Variants in MBNL2 observed in about 807,000 individuals in gnomAD.
The protein encoded by MBNL2 is muscleblind-like protein 2.
In MBNL2, 17 loss-of-function variants were observed where a neutral mutation model predicts 41.9. The observed-to-expected ratio is 0.41, with a 90% CI of 0.28 to 0.61. The LOEUF (loss-of-function observed/expected upper bound fraction) is 0.61. Ranked by LOEUF, MBNL2 falls within the 20% of genes least tolerant of loss-of-function variation. The pLI is 0.35. For synonymous variants in MBNL2, 195 were observed against 182.9 expected, an observed-to-expected ratio of 1.07 and a Z score of -0.53; for missense variants, 336 against 505.6, an observed-to-expected ratio of 0.66 and a Z score of 3.22.
At chr13:97,357,743 A>G in intron 7 of MBNL2, 108 bp downstream of exon 7, 1 of 1,043,790 alleles carries the variant, frequency 9.6e-7, no homozygotes, top group South Asian at 1.3e-5. Context: ...GGTATAATAC[A>G]GTTTGAAATT....
chr13:97,376,286 T>C (rs1368076372), intron 8 of MBNL2, among the ~76,000 whole-genome samples: 1 of 152,164 alleles, frequency 6.6e-6, no homozygotes, highest in East Asian at 1.9e-4. Flanking sequence ...TGTCTGTGGA[T>C]TTCACTGCCT....
chr13:97,296,920 C>T (rs1009439200), intron 2 of MBNL2, among the ~76,000 whole-genome samples: 2 of 152,106 alleles, frequency 1.3e-5, no homozygotes, highest in African/African-American at 4.8e-5. Flanking sequence ...GATGAAGAGA[C>T]AGATGTGGAT....
Position 97,393,615 on chromosome 13 carries a change from G to A in MBNL2, c.*2166G>A, listed in dbSNP as rs1190936364. Reference sequence around the variant, plus strand: ...AAGGAGGAGGCAAGGCAAATGCATAGATGTACAAATATATGTACAACAGAT... The same window carrying A: ...AAGGAGGAGGCAAGGCAAATGCATAAATGTACAAATATATGTACAACAGAT... On this transcript the variant is annotated 3_prime_UTR_variant, in exon 9 of 9. Transcript: ENST00000679496. The A allele has an allele frequency of 1.3e-5, 2 of 152,358 alleles. No homozygotes were observed. The highest frequency in any genetic ancestry group is 2.9e-5 in the Non-Finnish European group (2 of 67,934). 9.4% of individuals were successfully genotyped at this position (152,358 alleles called of 1,614,324 possible).
chr13:97,338,334 C>A (rs1313816496), intron 3 of MBNL2, among the ~76,000 whole-genome samples: 2 of 152,160 alleles, frequency 1.3e-5, no homozygotes, highest in East Asian at 1.9e-4. Context: ...CCACATGCAA[C>A]CCCCAGCATT....
chr13:97,322,176 GC>G (rs2059556307), intron 2 of MBNL2, among the ~76,000 whole-genome samples: 1 of 152,138 alleles, frequency 6.6e-6, no homozygotes, highest in African/African-American at 2.4e-5. Flanking sequence ...GCAGGATAAA[GC>G]CCACACCTCT....
chr13:97,185,675 T>G, the MBNL2 span, among the ~76,000 whole-genome samples: 1 of 152,052 alleles, frequency 6.6e-6, no homozygotes, highest in Non-Finnish European at 1.5e-5. Flanking sequence ...GACAAAGAGA[T>G]TTTCCCCTAG....
Position 97,382,037 on chromosome 13 carries a change from G to A in MBNL2, c.1049-9285G>A, listed in dbSNP as rs2065494824. Reference sequence around the variant, plus strand: ...GAAGCAGCCTATTTAATCTCAGAGAGCCTCACTTCCTACACAACTTACTGT... The same window carrying A: ...GAAGCAGCCTATTTAATCTCAGAGAACCTCACTTCCTACACAACTTACTGT... On this transcript the variant is annotated intron_variant, in intron 8 of 8. Coordinates refer to ENST00000679496, the MANE Select transcript of MBNL2 (RefSeq NM_001382683.1). 2.6e-5 allele frequency among the ~76,000 whole-genome samples: 4 copies of A among 152,138 alleles called. No homozygotes were observed. The South Asian group carries it at 8.3e-4, about 31-fold the overall frequency.
intron 2 of MBNL2, among the ~76,000 whole-genome samples, chr13:97,323,463 C>T (rs963283426): frequency 3.3e-5 from 5 of 152,128 alleles, no homozygotes; most frequent in African/African-American, 1.2e-4. Flanking sequence ...TGGCATTATT[C>T]CCTAAACAGT....
At chr13:97,296,122 G>A (rs1205768364) in intron 2 of MBNL2, among the ~76,000 whole-genome samples, 2 of 152,180 alleles carry the variant, frequency 1.3e-5, no homozygotes, top group African/African-American at 4.8e-5. Context: ...TTCTATCCAC[G>A]CTAAATAATT....
At chr13:97,325,974 T>TA (rs2059881908) in intron 2 of MBNL2, among the ~76,000 whole-genome samples, 1 of 109,326 alleles carries the variant, frequency 9.1e-6, no homozygotes, top group Non-Finnish European at 1.9e-5. Context: ...GGCCTGAAGG[T>TA]TTTTCCCAGC....
the MBNL2 span, chr13:97,179,667 G>A: frequency 2.0e-5 from 3 of 152,332 alleles, no homozygotes; most frequent in East Asian, 5.8e-4. Context: ...CTGACTCTCT[G>A]GGCCTTTTGC....
chr13:97,231,693 C>CCCGAGACGTCTATCTT (rs2042397639), intron 1 of MBNL2, among the ~76,000 whole-genome samples: 1 of 152,202 alleles, frequency 6.6e-6, no homozygotes, highest in African/African-American at 2.4e-5. Flanking sequence ...TCTCCCCATT[C>CCCGAGACGTCTATCTT]CCGAGACGTC....
chr13:97,388,314 CAT>C lies in MBNL2; in HGVS notation c.1049-2987_1049-2986del, dbSNP rs34389348. Reference sequence around the variant, plus strand: ...AAAAGTTTATACATATACATACATACATATATATATATATATATATATCATTG... The same window carrying C: ...AAAAGTTTATACATATACATACATACATATATATATATATATATATCATTG... On this transcript the variant is annotated intron_variant, in intron 8 of 8. Coordinates refer to ENST00000679496, the MANE Select transcript of MBNL2 (RefSeq NM_001382683.1). Among the ~76,000 whole-genome samples the C allele has an allele frequency of 9.5e-3, 1,328 of 139,666 alleles. 28 individuals are homozygous for C. Among genetic ancestry groups the C allele is most frequent in the African/African-American group, 0.033 (1,236 of 37,556 alleles). 91.6% of individuals were successfully genotyped at this position (139,666 alleles called of 152,430 possible).
At chr13:97,287,443 A>G (rs1594154349) in intron 2 of MBNL2, among the ~76,000 whole-genome samples, 1 of 152,226 alleles carries the variant, frequency 6.6e-6, no homozygotes, top group South Asian at 2.1e-4. Flanking sequence ...GTTTCGATGC[A>G]TATAATATAT....
At chr13:97,210,098 C>A in the MBNL2 span, among the ~76,000 whole-genome samples, 1 of 152,134 alleles carries the variant, frequency 6.6e-6, no homozygotes, top group Non-Finnish European at 1.5e-5. Context: ...ACCTGGCCGA[C>A]ATTGACTTTT....
the MBNL2 span, among the ~76,000 whole-genome samples, chr13:97,196,164 G>C: frequency 6.6e-6 from 1 of 152,140 alleles, no homozygotes; most frequent in Non-Finnish European, 1.5e-5. Context: ...GTAGAAAACC[G>C]TAAAGGCTGA....
chr13:97,353,258 C>G (rs541425506), intron 5 of MBNL2, among the ~76,000 whole-genome samples: 5 of 152,242 alleles, frequency 3.3e-5, no homozygotes, highest in African/African-American at 9.6e-5. Flanking sequence ...TTCTTTCTGA[C>G]AATGACATGA....
At chr13:97,388,981 G>T (rs2066165540) in intron 8 of MBNL2, among the ~76,000 whole-genome samples, 1 of 152,176 alleles carries the variant, frequency 6.6e-6, no homozygotes, top group Non-Finnish European at 1.5e-5. Context: ...GACAGCCAAA[G>T]ACAAAGACCA....
At chr13:97,265,970 G>C (rs1241923641) in intron 1 of MBNL2, among the ~76,000 whole-genome samples, 1 of 152,036 alleles carries the variant, frequency 6.6e-6, no homozygotes, top group African/African-American at 2.4e-5. Context: ...GGCCGGGCAC[G>C]GTGGCTCACC....
Sources: allele counts gnomAD v4.1 joint callset (sites outside exome capture counted in the v4.1 genomes callset), GRCh38; gene constraint gnomAD v4.1.1; transcripts MANE v1.5; gene names NCBI Gene and HGNC (gene_info 2026-07-23, HGNC 2026-07-21).